The following CDH4 variants were observed in gnomAD, a reference collection of about 807,000 sequenced individuals.
CDH4 encodes cadherin-4.
Under a neutral mutation model 86.0 loss-of-function variants are expected in CDH4, and 33 were observed. The observed-to-expected ratio is 0.38, with a 90% CI of 0.29 to 0.51. CDH4 has a LOEUF of 0.51. Ranked by LOEUF, CDH4 falls within the 20% of genes least tolerant of loss-of-function variation. The pLI is 0.86. For missense variants in CDH4, 1,114 were observed against 1,307.4 expected, an observed-to-expected ratio of 0.85 and a Z score of 2.28; for synonymous variants, 555 against 549.4, an observed-to-expected ratio of 1.01 and a Z score of -0.14.
chr20:61,302,116 C>G (rs565424980), intron 2 of CDH4, among the ~76,000 whole-genome samples: 1 of 152,236 alleles, frequency 6.6e-6, no homozygotes, highest in African/African-American at 2.4e-5. Flanking sequence ...GGAGACTCCA[C>G]TACAAACGGT....
intron 2 of CDH4, among the ~76,000 whole-genome samples, chr20:61,427,337 T>C (rs929390282): frequency 2.6e-5 from 4 of 152,152 alleles, no homozygotes; most frequent in African/African-American, 9.7e-5. Context: ...GAAGATGATG[T>C]GTCTCTTCTC....
intron 2 of CDH4, among the ~76,000 whole-genome samples, chr20:61,279,006 C>T (rs1004943483): frequency 1.3e-5 from 2 of 152,178 alleles, no homozygotes; most frequent in Admixed American, 6.5e-5. Context: ...CTGGGACCAG[C>T]GTGCTGAGAG....
Position 61,885,675 on chromosome 20 carries a change from G to A in CDH4, c.1051-9235G>A, listed in dbSNP as rs540532511. On this transcript the variant is annotated intron_variant, in intron 7 of 15. Transcript: ENST00000614565. ...AGGAGCGGAGCTGCCAGGCCCCGTG[G>A]TGACTCTTGACTTGTGAGGACCCGC... Among the ~76,000 whole-genome samples the A allele has an allele frequency of 8.5e-5, 13 of 152,318 alleles. 1 individual carries two copies. The East Asian group carries it at 2.5e-3, about 29-fold the overall frequency.
intron 2 of CDH4, among the ~76,000 whole-genome samples, chr20:61,522,296 G>GC (rs2085875508): frequency 6.6e-6 from 1 of 150,568 alleles, no homozygotes; most frequent in African/African-American, 2.4e-5. Flanking sequence ...AGCCAGTGGA[G>GC]CGGGTGGGGA....
chr20:61,423,912 A>G (rs1158764120), intron 2 of CDH4, among the ~76,000 whole-genome samples: 1 of 152,190 alleles, frequency 6.6e-6, no homozygotes, highest in African/African-American at 2.4e-5. Context: ...CCCTGTGCGC[A>G]CACATGCAGG....
chr20:61,874,825 G>A (rs1211347002), intron 7 of CDH4, among the ~76,000 whole-genome samples: 7 of 152,236 alleles, frequency 4.6e-5, no homozygotes, highest in Non-Finnish European at 8.8e-5. Context: ...GCTCCCAGGA[G>A]CCGGTAGAGC....
Position 61,663,413 on chromosome 20 carries a change from A to T in CDH4, c.170-80150A>T, listed in dbSNP as rs752823728. Among the ~76,000 whole-genome samples, 17 of 152,342 alleles carry T rather than the reference A, an allele frequency of 1.1e-4. No homozygotes were observed. The highest frequency in any genetic ancestry group is 2.0e-4 in the Admixed American group (3 of 15,312). On this transcript the variant is annotated intron_variant, in intron 2 of 15. Transcript: ENST00000614565. The surrounding 1 kb of genome is among the most constrained non-coding windows in gnomAD (Gnocchi z 5.0). ...GGAGGCAGTGTTTGCGCTGAAACCTAGAAAAAGAGCTGCGTAAAAGACAAT... is the reference window on the plus strand; with the variant it reads ...GGAGGCAGTGTTTGCGCTGAAACCTTGAAAAAGAGCTGCGTAAAAGACAAT...
chr20:61,287,600 G>A (rs774533263), intron 2 of CDH4, among the ~76,000 whole-genome samples: 38 of 152,222 alleles, frequency 2.5e-4, no homozygotes, highest in Admixed American at 2.0e-4. Context: ...GCACAGGGGT[G>A]GGGTGGGAGC....
At chr20:61,808,205 A>T (rs1274914341) in intron 4 of CDH4, among the ~76,000 whole-genome samples, 2 of 152,002 alleles carry the variant, frequency 1.3e-5, no homozygotes, top group Non-Finnish European at 1.5e-5. Flanking sequence ...GCCCCACCCC[A>T]GCCCTGGGTT....
chr20:61,843,939 T>A (rs1982303361), intron 4 of CDH4, among the ~76,000 whole-genome samples: 1 of 152,216 alleles, frequency 6.6e-6, no homozygotes, highest in Non-Finnish European at 1.5e-5. Flanking sequence ...GAAGCGCCAC[T>A]CACCTGTGGT....
chr20:61,647,544 TCC>T (rs1214897115), intron 2 of CDH4, among the ~76,000 whole-genome samples: 2 of 105,266 alleles, frequency 1.9e-5, no homozygotes, highest in African/African-American at 6.9e-5. Flanking sequence ...CCTCTCCCTC[TCC>T]CTCTCCCTCT....
rs546026471 is a variant in CDH4 at position 61,664,633 on chromosome 20, C to A, written c.170-78930C>A. 2.6e-5 allele frequency among the ~76,000 whole-genome samples: 4 copies of A among 152,324 alleles called. No homozygotes were observed. The East Asian group carries it at 7.7e-4, about 29-fold the overall frequency. ...AGACCCTCACACGAACACTTCTACT[C>A]CCTGAGATGCTTGTGTTCAGAGATA... On this transcript the variant is annotated intron_variant, in intron 2 of 15. Transcript: ENST00000614565.
intron 2 of CDH4, among the ~76,000 whole-genome samples, chr20:61,292,970 A>G (rs1443327892): frequency 1.3e-5 from 2 of 152,112 alleles, no homozygotes; most frequent in East Asian, 3.9e-4. Context: ...CAGGCCTTTG[A>G]GTCTGTGTGC....
At chr20:61,370,640 C>T (rs1054539764) in intron 2 of CDH4, 1 of 152,214 alleles carries the variant, frequency 6.6e-6, no homozygotes, top group East Asian at 1.9e-4. Flanking sequence ...TTCCAGTGAG[C>T]ATTTAAATAC....
At chr20:61,889,878 A>G (rs1600741412) in intron 7 of CDH4, among the ~76,000 whole-genome samples, 1 of 141,694 alleles carries the variant, frequency 7.1e-6, no homozygotes, top group African/African-American at 2.7e-5. Context: ...TGGATGGTGG[A>G]TGGGTGAGTG....
intron 6 of CDH4, among the ~76,000 whole-genome samples, chr20:61,863,029 A>G (rs1299675594): frequency 6.6e-6 from 1 of 152,216 alleles, no homozygotes; most frequent in Non-Finnish European, 1.5e-5. Flanking sequence ...TCGTCTGAAT[A>G]TTAAGAATTT....
At chr20:61,643,205 G>A (rs531470018) in intron 2 of CDH4, among the ~76,000 whole-genome samples, 2 of 146,984 alleles carry the variant, frequency 1.4e-5, no homozygotes, top group Admixed American at 6.7e-5. Flanking sequence ...ATCACAGGGA[G>A]GGGGGGTGTA....
intron 2 of CDH4, among the ~76,000 whole-genome samples, chr20:61,389,609 C>A (rs1020855189): frequency 2.0e-5 from 3 of 152,174 alleles, no homozygotes; most frequent in African/African-American, 7.2e-5. Context: ...CCAGCGTCTT[C>A]ATTGTTGTTC....
intron 2 of CDH4, among the ~76,000 whole-genome samples, chr20:61,647,277 A>G (rs1003668647): frequency 2.6e-5 from 4 of 151,962 alleles, no homozygotes; most frequent in Non-Finnish European, 5.9e-5. Context: ...CCTTGCAGAC[A>G]CCCTTCCTTG....
Sources: allele counts gnomAD v4.1 joint callset (sites outside exome capture counted in the v4.1 genomes callset), GRCh38; gene constraint gnomAD v4.1.1; non-coding constraint Gnocchi (gnomAD v3.1); transcripts MANE v1.5; gene names NCBI Gene and HGNC (gene_info 2026-07-23, HGNC 2026-07-21).